The following ASPH variants were observed in gnomAD, a reference collection of about 807,000 sequenced individuals.
ASPH encodes the protein aspartyl/asparaginyl beta-hydroxylase.
In ASPH, 100 loss-of-function variants were observed where a neutral mutation model predicts 118.4. The ratio of observed to expected loss-of-function variants is 0.84; its 90% CI spans 0.72 to 1.00. ASPH has a LOEUF of 1.00. ASPH is among the 50% of genes least tolerant of loss of function. The pLI is 0.00. For synonymous variants in ASPH, 315 were observed against 325.6 expected, an observed-to-expected ratio of 0.97 and a Z score of 0.35; for missense variants, 920 against 919.5, an observed-to-expected ratio of 1.00 and a Z score of -0.01.
At chr8:61,530,222 A>G (rs1341183381) in intron 21 of ASPH, among the ~76,000 whole-genome samples, 1 of 152,262 alleles carries the variant, frequency 6.6e-6, no homozygotes, top group African/African-American at 2.4e-5. Flanking sequence ...TCTATTTCAT[A>G]AAACTGAAAG....
intron 1 of ASPH, among the ~76,000 whole-genome samples, chr8:61,712,388 G>A (rs1422554857): frequency 1.3e-5 from 2 of 152,178 alleles, no homozygotes; most frequent in Non-Finnish European, 2.9e-5. Flanking sequence ...CTGGCACACA[G>A]TAAGAACTCA....
Position 61,711,147 on chromosome 8 carries a change from G to A in ASPH, c.103+3122C>T, listed in dbSNP as rs116326431. On this transcript the variant is annotated intron_variant, in intron 1 of 24. Coordinates refer to ENST00000379454, the MANE Select transcript of ASPH (RefSeq NM_004318.4). ...AACTAAAAGGGGGATATATTCTACA[G>A]TGACACCTAGTGGCAAAAGTTAATG... 5.0e-3 allele frequency among the ~76,000 whole-genome samples: 765 copies of A among 152,248 alleles called. 9 individuals are homozygous for A. Among genetic ancestry groups the A allele is most frequent in the African/African-American group, 0.017 (725 of 41,536 alleles).
At chr8:61,621,601 CA>C (rs1850952056) in intron 13 of ASPH, among the ~76,000 whole-genome samples, 1 of 152,198 alleles carries the variant, frequency 6.6e-6, no homozygotes, top group African/African-American at 2.4e-5. Flanking sequence ...AAGCACTTAA[CA>C]CAGACTATCC....
intron 7 of ASPH, 22 bp downstream of exon 7, chr8:61,644,578 C>T (rs766714297): frequency 7.1e-6 from 11 of 1,559,178 alleles, no homozygotes; most frequent in Non-Finnish European, 7.8e-6. Context: ...TAATTAAGAA[C>T]AGAATTAAAT....
intron 3 of ASPH, chr8:61,662,014 C>T: frequency 2.7e-6 from 1 of 369,284 alleles, no homozygotes; most frequent in Non-Finnish European, 4.9e-6. Flanking sequence ...AATTCATTCA[C>T]ATACGAAGCC....
At chr8:61,607,314 A>G (rs1845874098) in intron 14 of ASPH, 1 of 701,936 alleles carries the variant, frequency 1.4e-6, no homozygotes. Context: ...CCAGACGCAA[A>G]TGAGTCCTCT....
intron 1 of ASPH, chr8:61,689,626 G>A (rs1831968763): frequency 1.3e-6 from 2 of 1,519,588 alleles, no homozygotes; most frequent in African/African-American, 1.4e-5. Context: ...GTGAAAAGCT[G>A]TCAGCTAGAT....
chr8:61,578,660 T>C lies in ASPH; in HGVS notation c.1063-1802A>G, dbSNP rs1587539750. ...TGTTCGAGAGCTACATCAACAACCT[T>C]AGGCGGCAGCTGGAGACTCTGGGCC... is the stretch of plus-strand genomic sequence containing the variant. On this transcript the variant is annotated intron_variant, in intron 15 of 24. Transcript: ENST00000379454. The C allele has an allele frequency of 6.3e-6, 10 of 1,597,098 alleles. No homozygotes were observed. In the East Asian group the frequency reaches 2.0e-4, roughly 32 times the overall value.
intron 17 of ASPH, 82 bp from the exon 18 acceptor site, chr8:61,562,962 A>G: frequency 7.5e-7 from 1 of 1,330,728 alleles, no homozygotes; most frequent in East Asian, 2.6e-5. Context: ...GTCATGAGAG[A>G]CTATTCACCA....
chr8:61,601,428 C>A lies in ASPH; in HGVS notation c.977-17399G>T, dbSNP rs928562388. Among the ~76,000 whole-genome samples the A allele has an allele frequency of 4.4e-4, 67 of 150,840 alleles. 1 individual carries two copies. The highest frequency in any genetic ancestry group is 1.6e-3 in the African/African-American group (66 of 40,348). On this transcript the variant is annotated intron_variant, in intron 14 of 24. Transcript: ENST00000379454. ...TGGTGGCGGGTGCCTGTAATCCCAGCTACTCAGGAGGCTGAAGCAGAGAAT... is the reference window on the plus strand; with the variant it reads ...TGGTGGCGGGTGCCTGTAATCCCAGATACTCAGGAGGCTGAAGCAGAGAAT...
At chr8:61,662,453 T>C (rs764740336) in intron 3 of ASPH, among the ~76,000 whole-genome samples, 24 of 152,268 alleles carry the variant, frequency 1.6e-4, no homozygotes, top group Middle Eastern at 3.4e-3. Context: ...AAAGGTAACC[T>C]TTCTGGTTTT....
At chr8:61,626,858 TCTTAA>T (rs1262544261) in intron 13 of ASPH, among the ~76,000 whole-genome samples, 7 of 152,070 alleles carry the variant, frequency 4.6e-5, no homozygotes, top group African/African-American at 1.2e-4. Context: ...TTTTTTTCAT[TCTTAA>T]CTTTAGTATC....
chr8:61,621,547 A>C (rs1850936077), intron 13 of ASPH, among the ~76,000 whole-genome samples: 1 of 152,214 alleles, frequency 6.6e-6, no homozygotes, highest in South Asian at 2.1e-4. Context: ...ACTGTGCCAA[A>C]GAGGAAAATG....
intron 16 of ASPH, among the ~76,000 whole-genome samples, chr8:61,570,230 G>C (rs1227329205): frequency 6.6e-6 from 1 of 152,100 alleles, no homozygotes; most frequent in East Asian, 1.9e-4. Context: ...ATAAAATGTT[G>C]AATATCTCAT....
intron 3 of ASPH, chr8:61,659,864 T>G (rs1206591801): frequency 6.6e-6 from 1 of 152,138 alleles, no homozygotes; most frequent in Non-Finnish European, 1.5e-5. Flanking sequence ...ACCTGACATC[T>G]AAATGGCAAT....
chr8:61,577,288 A>G (rs1415890081), intron 15 of ASPH, among the ~76,000 whole-genome samples: 1 of 151,780 alleles, frequency 6.6e-6, no homozygotes, highest in Non-Finnish European at 1.5e-5. Flanking sequence ...CATATGTAAC[A>G]AACCTGCACA....
At chr8:61,606,021 A>G (rs1845471669) in intron 14 of ASPH, among the ~76,000 whole-genome samples, 1 of 152,198 alleles carries the variant, frequency 6.6e-6, no homozygotes, top group Admixed American at 6.5e-5. Flanking sequence ...GAAGGCGCAG[A>G]GGTATGCAAT....
chr8:61,695,459 G>T (rs914856137), intron 1 of ASPH, among the ~76,000 whole-genome samples: 2 of 151,996 alleles, frequency 1.3e-5, no homozygotes, highest in African/African-American at 4.8e-5. Context: ...TTCCTGTCTC[G>T]GGCTCTCAGC....
intron 14 of ASPH, among the ~76,000 whole-genome samples, chr8:61,615,721 A>G (rs914617000): frequency 3.3e-5 from 5 of 152,206 alleles, no homozygotes; most frequent in Non-Finnish European, 7.4e-5. Flanking sequence ...TGATATCGCA[A>G]TTTTATCTAA....
Sources: allele counts gnomAD v4.1 joint callset (sites outside exome capture counted in the v4.1 genomes callset), GRCh38; gene constraint gnomAD v4.1.1; transcripts MANE v1.5; gene names NCBI Gene and HGNC (gene_info 2026-07-23, HGNC 2026-07-21).